Variants in KCNT2 observed in about 807,000 individuals in gnomAD.
KCNT2 encodes the protein potassium sodium-activated channel subfamily T member 2.
In KCNT2, 67 loss-of-function variants were observed where a neutral mutation model predicts 153.8. That is an observed-to-expected ratio of 0.44 (90% CI 0.36 to 0.53). The LOEUF (loss-of-function observed/expected upper bound fraction) is 0.53. Among genes scored for constraint, KCNT2 ranks in the 20% least tolerant of loss-of-function variants. The pLI is 0.00. For missense variants in KCNT2, 975 were observed against 1,354.8 expected, an observed-to-expected ratio of 0.72 and a Z score of 4.40; for synonymous variants, 500 against 458.8, an observed-to-expected ratio of 1.09 and a Z score of -1.15.
chr1:196,593,781 G>A (rs989517739), intron 1 of KCNT2, among the ~76,000 whole-genome samples: 4 of 152,004 alleles, frequency 2.6e-5, no homozygotes, highest in Non-Finnish European at 4.4e-5. Flanking sequence ...TAATAGGAAT[G>A]TACATATTTT....
At chr1:196,465,204 C>T in intron 8 of KCNT2, 89 bp downstream of exon 8, 1 of 689,460 alleles carries the variant, frequency 1.5e-6, no homozygotes, top group East Asian at 2.8e-5. Context: ...TTATTGACAA[C>T]TATTAATGAA....
chr1:196,365,113 C>T (rs1468155640), intron 14 of KCNT2, among the ~76,000 whole-genome samples: 5 of 151,950 alleles, frequency 3.3e-5, no homozygotes, highest in South Asian at 2.1e-4. Context: ...ATCAAAATAA[C>T]GTTATTTCAA....
chr1:196,558,343 T>C (rs1009119631), intron 1 of KCNT2, among the ~76,000 whole-genome samples: 1 of 151,264 alleles, frequency 6.6e-6, no homozygotes, highest in Non-Finnish European at 1.5e-5. Flanking sequence ...TAAGGATATA[T>C]CTGACAATTT....
At chr1:196,496,542 G>C (rs1007131698) in intron 1 of KCNT2, among the ~76,000 whole-genome samples, 1 of 151,344 alleles carries the variant, frequency 6.6e-6, no homozygotes, top group South Asian at 2.1e-4. Context: ...ACAAGAGTTA[G>C]GTTTCTACTG....
chr1:196,251,208 T>A lies in KCNT2; in HGVS notation c.3211+6986A>T, dbSNP rs1245406246. 2.0e-5 allele frequency among the ~76,000 whole-genome samples: 3 copies of A among 152,098 alleles called. No individual in the cohort carries two copies. In the East Asian group the frequency reaches 5.8e-4, roughly 29 times the overall value. On this transcript the variant is annotated intron_variant, in intron 26 of 27. Coordinates refer to ENST00000294725, the MANE Select transcript of KCNT2 (RefSeq NM_198503.5). ...GCCAAGATTTGGAAGCAACCTAAGT[T>A]TCATCAAGAGATGGATGGATAAAGA...
intron 14 of KCNT2, among the ~76,000 whole-genome samples, chr1:196,367,996 G>A (rs1294105938): frequency 6.6e-6 from 1 of 152,036 alleles, no homozygotes; most frequent in Non-Finnish European, 1.5e-5. Context: ...AAGACTATAG[G>A]GTAAAGATGT....
At chr1:196,386,077 G>A (rs561468924) in intron 13 of KCNT2, among the ~76,000 whole-genome samples, 56 of 152,174 alleles carry the variant, frequency 3.7e-4, no homozygotes, top group Non-Finnish European at 6.8e-4. Context: ...GAGGATGCTC[G>A]AGCAGCCCAG....
intron 1 of KCNT2, among the ~76,000 whole-genome samples, chr1:196,503,124 T>C (rs986303996): frequency 3.3e-5 from 5 of 151,744 alleles, no homozygotes; most frequent in African/African-American, 4.8e-5. Context: ...TTATCTTTGG[T>C]AAGGATTATG....
intron 16 of KCNT2, among the ~76,000 whole-genome samples, chr1:196,337,330 CCTT>C (rs927041752): frequency 2.6e-5 from 4 of 152,040 alleles, no homozygotes; most frequent in Non-Finnish European, 5.9e-5. Flanking sequence ...AGAATTTTCT[CCTT>C]CTTACCACTT....
intron 14 of KCNT2, among the ~76,000 whole-genome samples, chr1:196,370,301 G>C (rs1668410557): frequency 6.6e-6 from 1 of 151,666 alleles, no homozygotes; most frequent in African/African-American, 2.4e-5. Flanking sequence ...GAAAAATGAG[G>C]AAAAAAATTG....
At chr1:196,561,316 G>A (rs1659353048) in intron 1 of KCNT2, among the ~76,000 whole-genome samples, 1 of 151,638 alleles carries the variant, frequency 6.6e-6, no homozygotes, top group Admixed American at 6.6e-5. Context: ...AAGGAGAAAA[G>A]AGATTAGAGG....
intron 1 of KCNT2, among the ~76,000 whole-genome samples, chr1:196,502,947 A>G (rs1431440476): frequency 6.6e-6 from 1 of 152,102 alleles, no homozygotes; most frequent in Non-Finnish European, 1.5e-5. Context: ...CCCCCTCTTC[A>G]TGCCCCCTGC....
At chr1:196,421,348 C>G (rs1673185289) in intron 12 of KCNT2, among the ~76,000 whole-genome samples, 1 of 152,022 alleles carries the variant, frequency 6.6e-6, no homozygotes, top group Non-Finnish European at 1.5e-5. Context: ...GCTTACACCT[C>G]TTTTGCTACA....
At chr1:196,408,766 C>T (rs189303944) in intron 12 of KCNT2, among the ~76,000 whole-genome samples, 45 of 151,608 alleles carry the variant, frequency 3.0e-4, no homozygotes, top group Middle Eastern at 6.8e-3. Flanking sequence ...GTTTTAAATT[C>T]TCTGCTATAT....
chr1:196,458,407 A>C (rs1388188253), intron 8 of KCNT2, among the ~76,000 whole-genome samples: 1 of 151,956 alleles, frequency 6.6e-6, no homozygotes, highest in African/African-American at 2.4e-5. Context: ...TTTACAAAAC[A>C]TTCTTAAGTG....
intron 12 of KCNT2, among the ~76,000 whole-genome samples, chr1:196,417,577 T>C (rs866491937): frequency 6.6e-6 from 1 of 152,152 alleles, no homozygotes; most frequent in South Asian, 2.1e-4. Flanking sequence ...TGCTTTTCAA[T>C]TTAAATTATA....
chr1:196,353,749 G>T (rs1401062180), intron 14 of KCNT2, among the ~76,000 whole-genome samples: 1 of 151,988 alleles, frequency 6.6e-6, no homozygotes, highest in African/African-American at 2.4e-5. Flanking sequence ...AATAAGGGCT[G>T]TTAGCTAATA....
Position 196,453,380 on chromosome 1 carries a change from A to C in KCNT2, c.638+11913T>G, listed in dbSNP as rs1572507563. Among the ~76,000 whole-genome samples the C allele has an allele frequency of 2.0e-5, 3 of 151,978 alleles. No individual in the cohort carries two copies. The South Asian group carries it at 6.2e-4, about 32-fold the overall frequency. ...AAGTCAGTGATTGTGTGGCTTGTAAATTCTTGTAAGGCAGCGCCATGATAC... is the reference window on the plus strand; with the variant it reads ...AAGTCAGTGATTGTGTGGCTTGTAACTTCTTGTAAGGCAGCGCCATGATAC... On this transcript the variant is annotated intron_variant, in intron 8 of 27. Transcript: ENST00000294725.
chr1:196,448,774 G>C (rs1675907906), intron 8 of KCNT2, among the ~76,000 whole-genome samples: 1 of 151,552 alleles, frequency 6.6e-6, no homozygotes, highest in Non-Finnish European at 1.5e-5. Context: ...CAAGAAAGAG[G>C]TACACCAAGA....
Sources: allele counts gnomAD v4.1 joint callset (sites outside exome capture counted in the v4.1 genomes callset), GRCh38; gene constraint gnomAD v4.1.1; transcripts MANE v1.5; gene names NCBI Gene and HGNC (gene_info 2026-07-23, HGNC 2026-07-21).